The following NREP variants were observed in gnomAD, a reference collection of about 807,000 sequenced individuals.
NREP encodes the protein neuronal regeneration related protein, also known as neuronal regeneration-related protein.
A neutral mutation model predicts 8.6 loss-of-function variants in NREP; 5 were observed. That is an observed-to-expected ratio of 0.58 (90% confidence interval 0.30 to 1.22). The LOEUF is 1.22. Among genes scored for constraint, NREP ranks in the 50% most tolerant of loss-of-function variants. The pLI is 0.07. For synonymous variants in NREP, 27 were observed against 28.0 expected (o/e 0.96, Z 0.11); for missense variants, 86 against 82.5 (o/e 1.04, Z -0.17).
chr5:111,902,259 A>C (rs1402432990), intron 2 of NREP, among the ~76,000 whole-genome samples: 1 of 152,146 alleles, frequency 6.6e-6, no homozygotes, highest in Admixed American at 6.5e-5. Context: ...AGAAGATGAA[A>C]CTAGACCCCT....
chr5:111,911,921 T>A (rs1754923610), intron 2 of NREP, among the ~76,000 whole-genome samples: 2 of 152,084 alleles, frequency 1.3e-5, no homozygotes, highest in African/African-American at 4.8e-5. Context: ...AAGCAAGTAC[T>A]AGTCTTCACC....
chr5:111,901,788 T>C (rs562907876), intron 2 of NREP, among the ~76,000 whole-genome samples: 4 of 152,148 alleles, frequency 2.6e-5, no homozygotes, highest in African/African-American at 7.2e-5. Context: ...AAAATACTGA[T>C]GAAAGAAACT....
intron 2 of NREP, among the ~76,000 whole-genome samples, chr5:111,782,374 C>T (rs2112884335): frequency 6.6e-6 from 1 of 152,250 alleles, no homozygotes; most frequent in Non-Finnish European, 1.5e-5. Flanking sequence ...TAGTTATCCG[C>T]CTTAAAAGGC....
Position 111,730,885 on chromosome 5 carries a change from C to T in NREP, c.*36G>A, listed in dbSNP as rs777525128. The T allele has an allele frequency of 3.1e-6, 5 of 1,611,684 alleles. No individual in the cohort carries two copies. The highest frequency in any genetic ancestry group is 4.2e-6 in the Non-Finnish European group (5 of 1,178,424). Reference sequence around the variant, plus strand: ...ATGATACCATGACCTCATCAATACCCATACACCATATGTAATACAAATGGA... The same window carrying T: ...ATGATACCATGACCTCATCAATACCTATACACCATATGTAATACAAATGGA... On this transcript the variant is annotated 3_prime_UTR_variant, in exon 4 of 4. Coordinates refer to ENST00000257435, the MANE Select transcript of NREP (RefSeq NM_004772.4).
chr5:111,758,322 C>T (rs752122799), upstream of NREP: 4 of 907,586 alleles, frequency 4.4e-6, no homozygotes, highest in Non-Finnish European at 5.3e-6. Flanking sequence ...TTCTCCTTCC[C>T]TATACGCTCC....
At chr5:111,976,613 G>T in intron 1 of NREP, 1 of 927,172 alleles carries the variant, frequency 1.1e-6, no homozygotes, top group Non-Finnish European at 1.6e-6. Flanking sequence ...GGTTAAAATG[G>T]AGAGGTCAGT....
chr5:111,874,977 G>A (rs1313699205), intron 2 of NREP, among the ~76,000 whole-genome samples: 3 of 152,218 alleles, frequency 2.0e-5, no homozygotes, highest in South Asian at 2.1e-4. Flanking sequence ...AAATACCACA[G>A]ATTAAGAAAA....
chr5:111,888,292 T>C (rs1007702428), intron 2 of NREP, among the ~76,000 whole-genome samples: 3 of 151,992 alleles, frequency 2.0e-5, no homozygotes. Context: ...ACTGGGTAAT[T>C]TGTAAAGGAA....
intron 2 of NREP, among the ~76,000 whole-genome samples, chr5:111,806,638 G>T (rs1752147127): frequency 6.6e-6 from 1 of 152,194 alleles, no homozygotes; most frequent in Non-Finnish European, 1.5e-5. Context: ...ACATGAGAAA[G>T]ATATTAAGCA....
chr5:111,755,875 G>T (rs1750672229), intron 1 of NREP, 45 bp from the exon 2 acceptor site: 1 of 1,603,176 alleles, frequency 6.2e-7, no homozygotes, highest in Admixed American at 1.7e-5. Context: ...CCTCACCACA[G>T]GTCAGCAAAC....
intron 2 of NREP, among the ~76,000 whole-genome samples, chr5:111,749,065 A>G (rs989383969): frequency 6.6e-6 from 1 of 152,130 alleles, no homozygotes; most frequent in Non-Finnish European, 1.5e-5. Flanking sequence ...GCACAGAAAG[A>G]GGGAATCCTG....
chr5:111,873,036 A>T (rs1177309060), intron 2 of NREP, among the ~76,000 whole-genome samples: 1 of 152,182 alleles, frequency 6.6e-6, no homozygotes, highest in Non-Finnish European at 1.5e-5. Context: ...GCAAGGTATC[A>T]TTGAGCTACT....
intron 2 of NREP, among the ~76,000 whole-genome samples, chr5:111,772,009 G>C (rs1403620196): frequency 1.3e-5 from 2 of 152,164 alleles, no homozygotes; most frequent in Non-Finnish European, 2.9e-5. Context: ...GTAAGATGCT[G>C]TCATTAGGAG....
intron 2 of NREP, among the ~76,000 whole-genome samples, chr5:111,936,409 C>T (rs1291160987): frequency 6.6e-6 from 1 of 152,042 alleles, no homozygotes; most frequent in African/African-American, 2.4e-5. Flanking sequence ...CCATAATCGT[C>T]AGTTTCCTGA....
At position 111,730,091 on chromosome 5, in the gene NREP, A is replaced by C. The variant is rs1748415781; in HGVS notation, c.*830T>G. On this transcript the variant is annotated 3_prime_UTR_variant, in exon 4 of 4. Coordinates refer to ENST00000257435, the MANE Select transcript of NREP (RefSeq NM_004772.4). ...ACGGAAAGGAAGAGATTTGGTAAGT[A>C]AATTACAGTTTTGTGATTGCTCCCG... The C allele has an allele frequency of 6.6e-6, 1 of 152,600 alleles. No homozygotes were observed. Among genetic ancestry groups the C allele is most frequent in the South Asian group, 2.1e-4 (1 of 4,820 alleles). The allele number at this position is 152,600 out of a possible 1,614,324, so 9.5% of individuals were successfully genotyped here.
chr5:111,771,313 T>G (rs184794914), intron 2 of NREP, among the ~76,000 whole-genome samples: 156 of 152,264 alleles, frequency 1.0e-3, no homozygotes, highest in African/African-American at 3.5e-3. Context: ...TAACTCATTT[T>G]AACAGATCTG....
chr5:111,792,039 G>A (rs1751760935), intron 2 of NREP, among the ~76,000 whole-genome samples: 2 of 152,194 alleles, frequency 1.3e-5, no homozygotes, highest in African/African-American at 4.8e-5. Flanking sequence ...TATCATCAGT[G>A]TTGTTATTAT....
chr5:111,782,623 A>G (rs955863125), intron 2 of NREP, among the ~76,000 whole-genome samples: 1 of 152,228 alleles, frequency 6.6e-6, no homozygotes, highest in African/African-American at 2.4e-5. Context: ...AACTCTAAAT[A>G]TAATATTTTG....
At chr5:111,937,757 A>T (rs1755723061) in intron 2 of NREP, among the ~76,000 whole-genome samples, 1 of 151,896 alleles carries the variant, frequency 6.6e-6, no homozygotes, top group Non-Finnish European at 1.5e-5. Flanking sequence ...CTTGTACCAG[A>T]TCCTTCCCTC....
Sources: allele counts gnomAD v4.1 joint callset (sites outside exome capture counted in the v4.1 genomes callset), GRCh38; gene constraint gnomAD v4.1.1; transcripts MANE v1.5; gene names NCBI Gene and HGNC (gene_info 2026-07-23, HGNC 2026-07-21).